GPC5: variants seen among roughly 807,000 people sequenced by gnomAD.
The protein encoded by GPC5 is glypican-5.
Under a neutral mutation model 53.9 loss-of-function variants are expected in GPC5, and 47 were observed. That is an observed-to-expected ratio of 0.87 (90% confidence interval 0.69 to 1.11). The LOEUF (loss-of-function observed/expected upper bound fraction) is 1.11. GPC5 is among the 50% of genes most tolerant of loss of function. The pLI is 0.00. For missense variants in GPC5, 748 were observed against 713.1 expected, an observed-to-expected ratio of 1.05 and a Z score of -0.56; for synonymous variants, 286 against 263.3, an observed-to-expected ratio of 1.09 and a Z score of -0.84.
chr13:92,338,526 A>C (rs2043340832), intron 7 of GPC5, among the ~76,000 whole-genome samples: 1 of 152,136 alleles, frequency 6.6e-6, no homozygotes, highest in Non-Finnish European at 1.5e-5. Context: ...AGGTAAACAC[A>C]TAAATGTGGT....
chr13:92,211,794 C>T (rs944638996), intron 7 of GPC5, among the ~76,000 whole-genome samples: 2 of 152,116 alleles, frequency 1.3e-5, no homozygotes, highest in Admixed American at 1.3e-4. Context: ...TCAATCTGAT[C>T]CAAGGAGAGG....
At chr13:92,419,267 C>G (rs1168283971) in intron 7 of GPC5, among the ~76,000 whole-genome samples, 1 of 152,128 alleles carries the variant, frequency 6.6e-6, no homozygotes, top group Non-Finnish European at 1.5e-5. Context: ...CAGCTACAGC[C>G]CAGCAGTATT....
chr13:91,992,190 C>G (rs2040463114), intron 6 of GPC5, among the ~76,000 whole-genome samples: 1 of 152,032 alleles, frequency 6.6e-6, no homozygotes, highest in Non-Finnish European at 1.5e-5. Context: ...CAACACTATT[C>G]CTGGCTAATT....
chr13:91,794,788 G>GT lies in GPC5; in HGVS notation c.1280+38374dup, dbSNP rs549306238. ...TGCAGTGGGCTACTTTTAAATGGCA[G>GT]TTTTTTAACATACTTATTGTGATTA... On this transcript the variant is annotated intron_variant, in intron 5 of 7. Transcript: ENST00000377067. Among the ~76,000 whole-genome samples, 121 of 152,248 alleles carry GT rather than the reference G, an allele frequency of 7.9e-4. No individual in the cohort carries two copies. The Middle Eastern group carries it at 0.017, about 21-fold the overall frequency.
chr13:92,810,525 A>C (rs1358956920), intron 7 of GPC5, among the ~76,000 whole-genome samples: 1 of 151,776 alleles, frequency 6.6e-6, no homozygotes, highest in African/African-American at 2.4e-5. Context: ...TATCACCATC[A>C]CCTCTCTAGT....
intron 7 of GPC5, among the ~76,000 whole-genome samples, chr13:92,701,781 G>A (rs988569522): frequency 3.3e-5 from 5 of 151,944 alleles, no homozygotes; most frequent in South Asian, 4.1e-4. Flanking sequence ...TTTTAGAATC[G>A]TTGGCGAATA....
chr13:92,601,052 A>G (rs1298401165), intron 7 of GPC5, among the ~76,000 whole-genome samples: 1 of 152,186 alleles, frequency 6.6e-6, no homozygotes, highest in Non-Finnish European at 1.5e-5. Context: ...TAAATGAAAT[A>G]CCTGGCTGAG....
chr13:92,371,128 C>T (rs1462295082), intron 7 of GPC5, among the ~76,000 whole-genome samples: 1 of 152,238 alleles, frequency 6.6e-6, no homozygotes, highest in African/African-American at 2.4e-5. Flanking sequence ...CCAGCCTGGG[C>T]AACAGAGTGA....
At chr13:91,850,152 G>T (rs1467788588) in intron 5 of GPC5, among the ~76,000 whole-genome samples, 1 of 152,108 alleles carries the variant, frequency 6.6e-6, no homozygotes, top group Non-Finnish European at 1.5e-5. Context: ...CACCTTGAAA[G>T]GTTAGCAATG....
intron 7 of GPC5, among the ~76,000 whole-genome samples, chr13:92,658,175 A>G (rs1594390370): frequency 6.6e-6 from 1 of 152,236 alleles, no homozygotes; most frequent in East Asian, 1.9e-4. Context: ...ATATCCCAAT[A>G]TTCATAATTA....
At chr13:92,053,451 G>A (rs2041047298) in intron 6 of GPC5, among the ~76,000 whole-genome samples, 3 of 152,134 alleles carry the variant, frequency 2.0e-5, no homozygotes, top group South Asian at 4.1e-4. Context: ...CTTCTCCCTT[G>A]CATAAAACGT....
chr13:92,511,513 T>C (rs2138952809), intron 7 of GPC5, among the ~76,000 whole-genome samples: 1 of 152,320 alleles, frequency 6.6e-6, no homozygotes, highest in African/African-American at 2.4e-5. Context: ...TTCAGAGAAA[T>C]CAGCTGTCAT....
chr13:91,595,290 A>C (rs1488250880), intron 2 of GPC5, among the ~76,000 whole-genome samples: 1 of 152,106 alleles, frequency 6.6e-6, no homozygotes, highest in Admixed American at 6.6e-5. Flanking sequence ...CTGGGACTAC[A>C]GGCGTGAGGC....
intron 2 of GPC5, among the ~76,000 whole-genome samples, chr13:91,586,939 G>T (rs1288912616): frequency 6.6e-6 from 1 of 151,920 alleles, no homozygotes; most frequent in Non-Finnish European, 1.5e-5. Context: ...GGGGTAACAG[G>T]CTAGGTATAT....
At chr13:91,455,160 A>G (rs1336593074) in intron 2 of GPC5, among the ~76,000 whole-genome samples, 1 of 130,446 alleles carries the variant, frequency 7.7e-6, no homozygotes, top group African/African-American at 2.6e-5. Context: ...TGCACTTAAA[A>G]TGTTGCAGTG....
intron 6 of GPC5, among the ~76,000 whole-genome samples, chr13:92,071,464 T>C (rs1218983174): frequency 6.6e-6 from 1 of 152,164 alleles, no homozygotes. Flanking sequence ...TTTTAAGGTA[T>C]ACATAAAATG....
At chr13:91,519,541 C>T (rs368276348) in intron 2 of GPC5, among the ~76,000 whole-genome samples, 16 of 152,172 alleles carry the variant, frequency 1.1e-4, no homozygotes, top group Non-Finnish European at 1.8e-4. Context: ...TCTCCTTCTT[C>T]GGCCATGTGA....
Position 91,847,135 on chromosome 13 carries a change from T to C in GPC5, c.1281-60802T>C, listed in dbSNP as rs1015142871. On this transcript the variant is annotated intron_variant, in intron 5 of 7. Coordinates refer to ENST00000377067, the MANE Select transcript of GPC5 (RefSeq NM_004466.6). ...TCGGGAGGCTGAGGCAGGAGAATGG[T>C]GTGAACCCAGGCGGCGGAGCTTGCA... Among the ~76,000 whole-genome samples the C allele has an allele frequency of 1.4e-4, 20 of 146,990 alleles. No homozygotes were observed. In the Admixed American group the frequency reaches 1.4e-3, roughly 10 times the overall value.
chr13:91,417,089 G>A (rs1878292253), intron 1 of GPC5, among the ~76,000 whole-genome samples: 1 of 152,068 alleles, frequency 6.6e-6, no homozygotes, highest in Non-Finnish European at 1.5e-5. Flanking sequence ...GTATTTAGAA[G>A]GCAGAATTGT....
Sources: allele counts gnomAD v4.1 joint callset (sites outside exome capture counted in the v4.1 genomes callset), GRCh38; gene constraint gnomAD v4.1.1; transcripts MANE v1.5; gene names NCBI Gene and HGNC (gene_info 2026-07-23, HGNC 2026-07-21).